KCNH5: variants seen among roughly 807,000 people sequenced by gnomAD.
KCNH5 encodes voltage-gated delayed rectifier potassium channel KCNH5.
In KCNH5, 46 loss-of-function variants were observed where a neutral mutation model predicts 96.1. The ratio of observed to expected loss-of-function variants is 0.48; its 90% CI spans 0.38 to 0.61. The LOEUF (loss-of-function observed/expected upper bound fraction) is 0.61, where lower values mean the gene tolerates loss of function less well. Among genes scored for constraint, KCNH5 ranks in the 20% least tolerant of loss-of-function variants. The pLI is 0.00. For missense variants in KCNH5, 907 were observed against 1,225.8 expected (o/e 0.74, Z 3.88); for synonymous variants, 439 against 449.8 (o/e 0.98, Z 0.30).
At position 63,010,913 on chromosome 14, in the gene KCNH5, C is replaced by T. The variant is rs116802156; in HGVS notation, c.198-4441G>A. ...CTCTCTTACTCTGCTAAATGTGCAA[C>T]GGTGTGTCTAGACTAAAATGCAACA... On this transcript the variant is annotated intron_variant, in intron 2 of 10. Coordinates refer to ENST00000322893, the MANE Select transcript of KCNH5 (RefSeq NM_139318.5). Among the ~76,000 whole-genome samples the T allele has an allele frequency of 6.1e-3, 936 of 152,266 alleles. 10 individuals carry two copies. Among genetic ancestry groups the T allele is most frequent in the African/African-American group, 0.021 (856 of 41,558 alleles).
chr14:62,898,374 C>G (rs929655139), intron 7 of KCNH5, among the ~76,000 whole-genome samples: 1 of 152,066 alleles, frequency 6.6e-6, no homozygotes, highest in Non-Finnish European at 1.5e-5. Flanking sequence ...CTATGTTAAG[C>G]ATACACATTA....
intron 10 of KCNH5, among the ~76,000 whole-genome samples, chr14:62,748,878 A>G (rs541854193): frequency 2.6e-5 from 4 of 152,320 alleles, no homozygotes; most frequent in East Asian, 3.9e-4. Flanking sequence ...GCAAAGTAAA[A>G]TAAGTAAAAT....
chr14:62,722,296 A>G (rs1884832463), intron 10 of KCNH5, among the ~76,000 whole-genome samples: 2 of 152,210 alleles, frequency 1.3e-5, no homozygotes, highest in Admixed American at 1.3e-4. Context: ...TCATCTTGGG[A>G]ACATTAAAAT....
intron 8 of KCNH5, among the ~76,000 whole-genome samples, chr14:62,805,878 T>C (rs77487360): frequency 0.032 from 4,849 of 152,262 alleles, 148 homozygotes; most frequent in South Asian, 0.084. Context: ...AGCTATGGTG[T>C]CAGAGGCATG....
chr14:62,934,867 G>T (rs6573467), intron 7 of KCNH5, among the ~76,000 whole-genome samples: 72,314 of 151,894 alleles, frequency 0.48, 17,501 homozygotes, highest in South Asian at 0.66. Context: ...GAAAACATGG[G>T]GGTGGGTGGC....
chr14:63,027,553 T>C (rs1891548286), intron 1 of KCNH5, among the ~76,000 whole-genome samples: 1 of 151,762 alleles, frequency 6.6e-6, no homozygotes, highest in Non-Finnish European at 1.5e-5. Flanking sequence ...ATACTATACC[T>C]GGCAAATACT....
intron 4 of KCNH5, among the ~76,000 whole-genome samples, chr14:62,994,944 A>G (rs367682248): frequency 5.9e-5 from 9 of 152,254 alleles, no homozygotes; most frequent in African/African-American, 2.2e-4. Context: ...TCATGGTATA[A>G]TTCAAAGATA....
chr14:62,911,213 T>C (rs1889146085), intron 7 of KCNH5, among the ~76,000 whole-genome samples: 1 of 152,028 alleles, frequency 6.6e-6, no homozygotes. Flanking sequence ...GAAATGTTGA[T>C]GGTATAAACA....
intron 8 of KCNH5, among the ~76,000 whole-genome samples, chr14:62,837,169 GGCCAAGT>G (rs1172791114): frequency 6.6e-6 from 1 of 152,130 alleles, no homozygotes; most frequent in Non-Finnish European, 1.5e-5. Context: ...CACACCTGAA[GGCCAAGT>G]GTCTCTTTGT....
At chr14:63,028,824 A>G (rs928007385) in intron 1 of KCNH5, among the ~76,000 whole-genome samples, 1 of 152,200 alleles carries the variant, frequency 6.6e-6, no homozygotes. Context: ...AACCAATAAT[A>G]TAGAATATGG....
At chr14:62,840,736 A>T (rs560364741) in intron 8 of KCNH5, among the ~76,000 whole-genome samples, 2 of 151,154 alleles carry the variant, frequency 1.3e-5, no homozygotes, top group South Asian at 4.2e-4. Flanking sequence ...CATCCAGCTA[A>T]TTTTTGTATT....
At chr14:62,909,889 A>C (rs144258129) in intron 7 of KCNH5, among the ~76,000 whole-genome samples, 25 of 152,112 alleles carry the variant, frequency 1.6e-4, no homozygotes, top group African/African-American at 5.5e-4. Context: ...CATTGTACTT[A>C]TCTCTTCTAA....
intron 7 of KCNH5, among the ~76,000 whole-genome samples, chr14:62,879,559 G>A (rs141675304): frequency 2.4e-4 from 36 of 152,142 alleles, no homozygotes; most frequent in African/African-American, 7.2e-4. Context: ...CTACAGTCAC[G>A]TATCTTGTAA....
chr14:62,776,186 G>A, intron 10 of KCNH5, among the ~76,000 whole-genome samples: 1 of 151,986 alleles, frequency 6.6e-6, no homozygotes, highest in East Asian at 1.9e-4. Context: ...AGAATCACTT[G>A]AACCCAGGAG....
chr14:62,814,256 G>A (rs1173583748), intron 8 of KCNH5, among the ~76,000 whole-genome samples: 1 of 152,102 alleles, frequency 6.6e-6, no homozygotes, highest in Non-Finnish European at 1.5e-5. Flanking sequence ...ACAACAAACA[G>A]CAATTGTTAC....
intron 7 of KCNH5, among the ~76,000 whole-genome samples, chr14:62,871,980 C>T (rs1165248229): frequency 6.6e-6 from 1 of 152,166 alleles, no homozygotes; most frequent in African/African-American, 2.4e-5. Context: ...TCTAAGAAAT[C>T]CTGTTATCAT....
chr14:62,898,944 C>G (rs957027191), intron 7 of KCNH5, among the ~76,000 whole-genome samples: 2 of 152,042 alleles, frequency 1.3e-5, no homozygotes, highest in African/African-American at 4.8e-5. Flanking sequence ...AATTGGTATG[C>G]ACCTTGTAAC....
chr14:62,967,324 C>G (rs1330970795), intron 6 of KCNH5, among the ~76,000 whole-genome samples: 1 of 151,990 alleles, frequency 6.6e-6, no homozygotes, highest in East Asian at 1.9e-4. Flanking sequence ...TCAAGCAATC[C>G]TCCTTCCTCT....
chr14:62,778,534 A>G (rs1206294562), intron 10 of KCNH5, among the ~76,000 whole-genome samples: 1 of 152,242 alleles, frequency 6.6e-6, no homozygotes, highest in Admixed American at 6.5e-5. Flanking sequence ...TCCCTAACAC[A>G]TAAGTGAGAA....
Sources: allele counts gnomAD v4.1 joint callset (sites outside exome capture counted in the v4.1 genomes callset), GRCh38; gene constraint gnomAD v4.1.1; transcripts MANE v1.5; gene names NCBI Gene and HGNC (gene_info 2026-07-23, HGNC 2026-07-21).